The following JMJD1C variants were observed in gnomAD, a reference collection of about 807,000 sequenced individuals.
The protein encoded by JMJD1C is jumonji domain containing 1C, also known as jumonji domain-containing protein 1C.
In JMJD1C, 31 loss-of-function variants were observed where a neutral mutation model predicts 245.3. The observed-to-expected ratio is 0.13, with a 90% CI of 0.09 to 0.17. The LOEUF is 0.17. Among genes scored for constraint, JMJD1C ranks in the 10% least tolerant of loss-of-function variants. JMJD1C has a pLI of 1.00. For synonymous variants in JMJD1C, 1,057 were observed against 1,017.4 expected, an observed-to-expected ratio of 1.04 and a Z score of -0.74; for missense variants, 2,691 against 3,000.2, an observed-to-expected ratio of 0.90 and a Z score of 2.41.
intron 8 of JMJD1C, among the ~76,000 whole-genome samples, chr10:63,211,039 G>A (rs1240243460): frequency 6.6e-6 from 1 of 152,156 alleles, no homozygotes; most frequent in East Asian, 1.9e-4. Context: ...AAAGGCCAAA[G>A]GTCATATGAA....
chr10:63,305,028 A>T (rs1937819328), intron 2 of JMJD1C, among the ~76,000 whole-genome samples: 1 of 152,096 alleles, frequency 6.6e-6, no homozygotes, highest in Non-Finnish European at 1.5e-5. Flanking sequence ...AGACCCAGTG[A>T]CTCGGGAGGC....
At chr10:63,231,782 A>C (rs986418980) in intron 3 of JMJD1C, among the ~76,000 whole-genome samples, 4 of 152,316 alleles carry the variant, frequency 2.6e-5, no homozygotes, top group African/African-American at 9.6e-5. Flanking sequence ...CGACAGAGCG[A>C]GACTCCGTCT....
At chr10:63,344,388 A>G (rs944105339) in intron 2 of JMJD1C, among the ~76,000 whole-genome samples, 1 of 152,224 alleles carries the variant, frequency 6.6e-6, no homozygotes, top group Non-Finnish European at 1.5e-5. Context: ...TAGTAGGCAA[A>G]CCATCTTGGT....
rs530309155 is a variant in JMJD1C at position 63,490,511 on chromosome 10, G to A, written n.113+31227C>T. Among the ~76,000 whole-genome samples the A allele has an allele frequency of 4.8e-3, 722 of 151,754 alleles. 7 individuals carry two copies. Among genetic ancestry groups the A allele is most frequent in the South Asian group, 0.019 (90 of 4,808 alleles). On this transcript the variant is annotated intron_variant and non_coding_transcript_variant, in intron 1 of 3. Coordinates refer to the JMJD1C transcript ENST00000633035. Reference sequence around the variant, plus strand: ...GCTCCCCGCAACCTCCGCCTCCTAGGTTCAAATGATTCTTCTGCCTCAGCC... The same window carrying A: ...GCTCCCCGCAACCTCCGCCTCCTAGATTCAAATGATTCTTCTGCCTCAGCC...
chr10:63,267,878 T>C (rs898568386), intron 2 of JMJD1C, among the ~76,000 whole-genome samples: 4 of 152,130 alleles, frequency 2.6e-5, no homozygotes, highest in African/African-American at 9.7e-5. Flanking sequence ...AGAACAACTG[T>C]ATCCTGTTTG....
intron 2 of JMJD1C, among the ~76,000 whole-genome samples, chr10:63,308,006 T>G (rs189017861): frequency 7.9e-5 from 12 of 151,908 alleles, no homozygotes; most frequent in African/African-American, 2.2e-4. Context: ...AAAAAAAAAT[T>G]AGCTGGGCAT....
At chr10:63,219,750 G>A in intron 4 of JMJD1C, 128 bp downstream of exon 4, 2 of 547,884 alleles carry the variant, frequency 3.7e-6, no homozygotes, top group South Asian at 5.7e-5. Flanking sequence ...TTATTTTCCT[G>A]GATGTATATA....
At chr10:63,186,867 C>A (rs1372872809) in intron 18 of JMJD1C, among the ~76,000 whole-genome samples, 7 of 152,174 alleles carry the variant, frequency 4.6e-5, no homozygotes, top group Admixed American at 4.6e-4. Flanking sequence ...ATAGAGAACA[C>A]AGTAAGCTAT....
chr10:63,305,449 A>G (rs1159479912), intron 2 of JMJD1C, among the ~76,000 whole-genome samples: 1 of 115,630 alleles, frequency 8.6e-6, no homozygotes, highest in Admixed American at 9.3e-5. Flanking sequence ...ACATGGCAAG[A>G]CGCTCTGACC....
intron 2 of JMJD1C, among the ~76,000 whole-genome samples, chr10:63,345,864 C>G (rs1943772887): frequency 6.6e-6 from 1 of 151,760 alleles, no homozygotes. Flanking sequence ...TACTCAAGTA[C>G]TAAGTAAAGC....
At chr10:63,407,615 G>A (rs1182619581) in intron 1 of JMJD1C, among the ~76,000 whole-genome samples, 3 of 151,990 alleles carry the variant, frequency 2.0e-5, no homozygotes, top group Non-Finnish European at 4.4e-5. Flanking sequence ...TGAAAGAATT[G>A]TCAGGAATTT....
intron 1 of JMJD1C, among the ~76,000 whole-genome samples, chr10:63,434,586 G>A (rs1055358652): frequency 3.3e-5 from 5 of 151,952 alleles, no homozygotes; most frequent in Non-Finnish European, 1.5e-5. Context: ...GATAAAGATT[G>A]ACCAACCTGG....
At chr10:63,256,305 A>T (rs1853919211) in intron 3 of JMJD1C, among the ~76,000 whole-genome samples, 1 of 152,168 alleles carries the variant, frequency 6.6e-6, no homozygotes, top group Non-Finnish European at 1.5e-5. Context: ...TTTAAATAGC[A>T]ACAGATATGT....
chr10:63,465,903 CTG>C lies in JMJD1C; in HGVS notation c.-243_-242del. 1 of 644,794 alleles carries C rather than the reference CTG, an allele frequency of 1.6e-6. No homozygotes were observed. The highest frequency in any genetic ancestry group is 2.4e-5 in the Admixed American group (1 of 42,436). 39.9% of individuals were successfully genotyped at this position (644,794 alleles called of 1,614,324 possible). A position where few individuals can be genotyped will look rare whatever the true frequency, so the allele number is the denominator to read the frequency against. On this transcript the variant is annotated 5_prime_UTR_variant, in exon 1 of 26. Coordinates refer to ENST00000399262, the MANE Select transcript of JMJD1C (RefSeq NM_032776.3). ...TGTGCTGCAGCGCCACACAAGAAAA[CTG>C]AAACAAAACCCAACGCGGCCGTCGA...
intron 2 of JMJD1C, among the ~76,000 whole-genome samples, chr10:63,377,672 T>A (rs1466735805): frequency 6.6e-6 from 1 of 151,816 alleles, no homozygotes; most frequent in African/African-American, 2.4e-5. Flanking sequence ...GAGGCAGAGG[T>A]TGCAGTGAGA....
At chr10:63,268,891 A>T in intron 2 of JMJD1C, 2 of 985,848 alleles carry the variant, frequency 2.0e-6, no homozygotes, top group Non-Finnish European at 2.4e-6. Context: ...CACAGAACGA[A>T]GCAGGAGCTG....
intron 2 of JMJD1C, among the ~76,000 whole-genome samples, chr10:63,267,407 T>TA (rs1296010013): frequency 6.6e-6 from 1 of 152,032 alleles, no homozygotes; most frequent in African/African-American, 2.4e-5. Flanking sequence ...TTAAAAATAA[T>TA]AAAAAACATA....
chr10:63,347,192 C>G (rs1943905374), intron 2 of JMJD1C, among the ~76,000 whole-genome samples: 1 of 151,510 alleles, frequency 6.6e-6, no homozygotes, highest in Admixed American at 6.6e-5. Flanking sequence ...TCTCAGCCTC[C>G]CAAGTAGCTA....
intron 1 of JMJD1C, among the ~76,000 whole-genome samples, chr10:63,394,317 T>A (rs572213571): frequency 6.6e-6 from 1 of 152,078 alleles, no homozygotes; most frequent in East Asian, 1.9e-4. Flanking sequence ...TTAAAAAATG[T>A]GCAAAGGTAA....
Sources: allele counts gnomAD v4.1 joint callset (sites outside exome capture counted in the v4.1 genomes callset), GRCh38; gene constraint gnomAD v4.1.1; transcripts MANE v1.5; gene names NCBI Gene and HGNC (gene_info 2026-07-23, HGNC 2026-07-21).